CYTH3: variants seen among roughly 807,000 people sequenced by gnomAD.
CYTH3 encodes the protein cytohesin 3.
A neutral mutation model predicts 55.1 loss-of-function variants in CYTH3; 23 were observed. The observed-to-expected ratio is 0.42, with a 90% CI of 0.30 to 0.59. The LOEUF (loss-of-function observed/expected upper bound fraction) is 0.59, where lower values mean the gene tolerates loss of function less well. Among genes scored for constraint, CYTH3 ranks in the 20% least tolerant of loss-of-function variants. The pLI, the probability that CYTH3 is intolerant of heterozygous loss-of-function variation, is 0.20. For missense variants in CYTH3, 413 were observed against 524.8 expected (o/e 0.79, Z 2.08); for synonymous variants, 249 against 194.9 (o/e 1.28, Z -2.31).
At chr7:6,209,098 G>C (rs1372733657) in intron 1 of CYTH3, among the ~76,000 whole-genome samples, 1 of 152,228 alleles carries the variant, frequency 6.6e-6, no homozygotes, top group Non-Finnish European at 1.5e-5. Flanking sequence ...GAGGCAATGT[G>C]ACACAGTCAA....
At chr7:6,200,344 C>G (rs113628497) in intron 1 of CYTH3, among the ~76,000 whole-genome samples, 118 of 152,270 alleles carry the variant, frequency 7.7e-4, no homozygotes, top group African/African-American at 2.7e-3. Flanking sequence ...CACTCGCAGT[C>G]CTATGACTTC....
chr7:6,237,989 T>C (rs760921921), intron 1 of CYTH3, among the ~76,000 whole-genome samples: 2 of 152,214 alleles, frequency 1.3e-5, no homozygotes, highest in Non-Finnish European at 2.9e-5. Context: ...GCAATGAGTA[T>C]AGAGTCAGCT....
rs781422560 is a variant in CYTH3 at position 6,171,705 on chromosome 7, C to T, written c.450-391G>A. ...GCCGGTCCTCCTTTCAGAACTCCCA[C>T]ACATAAGGCAGAGCCATAGCCCACA... On this transcript the variant is annotated intron_variant, in intron 6 of 12. Transcript: ENST00000350796. This position sits in a 1 kb window ranked among gnomAD's most constrained non-coding sequence, Gnocchi z 6.7. 4.0e-5 allele frequency: 10 copies of T among 253,054 alleles called. No individual in the cohort carries two copies. The highest frequency in any genetic ancestry group is 8.9e-5 in the Admixed American group (2 of 22,514). The allele number at this position is 253,054 out of a possible 1,614,324, so 15.7% of individuals were successfully genotyped here.
At position 6,163,806 on chromosome 7, in the gene CYTH3, T is replaced by C. The variant is rs1782909781; in HGVS notation, c.*1138A>G. 6.6e-6 allele frequency: 1 copy of C among 152,238 alleles called. No individual in the cohort carries two copies. The highest frequency in any genetic ancestry group is 2.4e-5 in the African/African-American group (1 of 41,458). 9.4% of individuals were successfully genotyped at this position (152,238 alleles called of 1,614,324 possible). A position where few individuals can be genotyped will look rare whatever the true frequency, so the allele number is the denominator to read the frequency against. On this transcript the variant is annotated 3_prime_UTR_variant, in exon 13 of 13. Coordinates refer to ENST00000350796, the MANE Select transcript of CYTH3 (RefSeq NM_004227.4). The stretch of plus-strand genomic sequence containing the variant: ...TTTTAGTTAATTCTGTGTCTATTCA[T>C]TAAGAAATCTGGTCAAATTAGAAAG...
intron 2 of CYTH3, among the ~76,000 whole-genome samples, chr7:6,188,294 C>G (rs1783708199): frequency 1.3e-5 from 2 of 151,632 alleles, no homozygotes; most frequent in African/African-American, 2.4e-5. Flanking sequence ...GATCACACCA[C>G]TGTACTCCAG....
intron 1 of CYTH3, among the ~76,000 whole-genome samples, chr7:6,207,437 T>C (rs1300869291): frequency 6.6e-6 from 1 of 152,118 alleles, no homozygotes; most frequent in East Asian, 1.9e-4. Context: ...CTATAAAGAA[T>C]GCCTACTTTT....
chr7:6,173,242 G>A (rs549679057), intron 6 of CYTH3, among the ~76,000 whole-genome samples: 3 of 152,234 alleles, frequency 2.0e-5, no homozygotes, highest in South Asian at 2.1e-4. Context: ...CCAAAATGGC[G>A]AGACACCTAC....
intron 1 of CYTH3, among the ~76,000 whole-genome samples, chr7:6,255,366 A>C (rs1326189984): frequency 6.6e-6 from 1 of 152,248 alleles, no homozygotes; most frequent in Non-Finnish European, 1.5e-5. Context: ...GAATTACCCG[A>C]AATATCCTCA....
At chr7:6,234,630 C>T (rs762519977) in intron 1 of CYTH3, among the ~76,000 whole-genome samples, 3 of 152,122 alleles carry the variant, frequency 2.0e-5, no homozygotes, top group African/African-American at 4.8e-5. Context: ...CCTGGGGACC[C>T]GGTGACCTGT....
chr7:6,207,648 C>CA (rs752766122), intron 1 of CYTH3, among the ~76,000 whole-genome samples: 2 of 149,224 alleles, frequency 1.3e-5, no homozygotes, highest in Non-Finnish European at 3.0e-5. Flanking sequence ...GACTCCATCT[C>CA]AAAAAACAAA....
intron 1 of CYTH3, among the ~76,000 whole-genome samples, chr7:6,190,883 C>T (rs550163494): frequency 3.3e-5 from 5 of 151,866 alleles, no homozygotes; most frequent in East Asian, 3.9e-4. Flanking sequence ...TTGAGACCAG[C>T]CTGGCCAACA....
intron 1 of CYTH3, among the ~76,000 whole-genome samples, chr7:6,198,094 GAAAAAAAAA>G (rs76022025): frequency 2.1e-5 from 1 of 48,680 alleles, no homozygotes; most frequent in Non-Finnish European, 4.4e-5. Flanking sequence ...ACACTCTTAA[GAAAAAAAAA>G]AAAAAAAGGA....
chr7:6,187,226 C>G (rs1006739347), intron 3 of CYTH3, 110 bp from the exon 4 acceptor site: 1 of 1,176,890 alleles, frequency 8.5e-7, no homozygotes, highest in Admixed American at 1.9e-5. Context: ...GGAAGCGAAG[C>G]ACAGGCCCTC....
At chr7:6,181,307 C>T (rs895165449) in intron 4 of CYTH3, among the ~76,000 whole-genome samples, 3 of 152,174 alleles carry the variant, frequency 2.0e-5, no homozygotes, top group Non-Finnish European at 4.4e-5. Flanking sequence ...TGAGGTGTCA[C>T]GCTCCAATTA....
chr7:6,174,501 G>C (rs988693045), intron 5 of CYTH3, among the ~76,000 whole-genome samples: 2 of 150,228 alleles, frequency 1.3e-5, no homozygotes, highest in African/African-American at 4.9e-5. Context: ...TTTTTATTAC[G>C]GCCAGCCTAA....
At chr7:6,237,398 T>C (rs1474519201) in intron 1 of CYTH3, among the ~76,000 whole-genome samples, 1 of 152,094 alleles carries the variant, frequency 6.6e-6, no homozygotes, top group South Asian at 2.1e-4. Flanking sequence ...CCTTTTCCCA[T>C]CCCATCTGAT....
chr7:6,215,548 C>G (rs1446949472), intron 1 of CYTH3, among the ~76,000 whole-genome samples: 1 of 150,538 alleles, frequency 6.6e-6, no homozygotes, highest in Non-Finnish European at 1.5e-5. Flanking sequence ...CGAGATCGCG[C>G]CACCGCACTC....
At chr7:6,241,076 T>C (rs1779661202) in intron 1 of CYTH3, among the ~76,000 whole-genome samples, 1 of 151,956 alleles carries the variant, frequency 6.6e-6, no homozygotes, top group Non-Finnish European at 1.5e-5. Context: ...GAGCCGAGAT[T>C]GTGCCACTGC....
chr7:6,221,810 G>C (rs373472595), intron 1 of CYTH3, among the ~76,000 whole-genome samples: 2 of 152,150 alleles, frequency 1.3e-5, no homozygotes, highest in East Asian at 3.9e-4. Context: ...AAATTAGCCA[G>C]ACATAGTGAG....
Sources: allele counts gnomAD v4.1 joint callset (sites outside exome capture counted in the v4.1 genomes callset), GRCh38; gene constraint gnomAD v4.1.1; non-coding constraint Gnocchi (gnomAD v3.1); transcripts MANE v1.5; gene names NCBI Gene and HGNC (gene_info 2026-07-23, HGNC 2026-07-21).